The following PDSS2 variants were observed in gnomAD, a reference collection of about 807,000 sequenced individuals.
PDSS2 encodes the protein all trans-polyprenyl-diphosphate synthase PDSS2.
A neutral mutation model predicts 44.5 loss-of-function variants in PDSS2; 31 were observed. The observed-to-expected ratio is 0.70, with a 90% CI of 0.52 to 0.94. PDSS2 has a LOEUF of 0.94. PDSS2 is among the 40% of genes least tolerant of loss of function. The pLI is 0.00. For missense variants in PDSS2, 452 were observed against 482.2 expected, an observed-to-expected ratio of 0.94 and a Z score of 0.59; for synonymous variants, 157 against 180.3, an observed-to-expected ratio of 0.87 and a Z score of 1.03.
intron 1 of PDSS2, among the ~76,000 whole-genome samples, chr6:107,453,422 T>C (rs1434882043): frequency 1.3e-5 from 2 of 152,046 alleles, no homozygotes; most frequent in African/African-American, 4.8e-5. Context: ...TTTTTGCCTA[T>C]GATGTTCAAT....
intron 7 of PDSS2, among the ~76,000 whole-genome samples, chr6:107,173,549 G>C (rs1771671802): frequency 8.7e-6 from 1 of 114,316 alleles, no homozygotes; most frequent in African/African-American, 4.0e-5. Context: ...ACTCCAGCCT[G>C]GTGATGGAAT....
At chr6:107,195,826 T>C (rs1031467336) in intron 6 of PDSS2, among the ~76,000 whole-genome samples, 5 of 152,148 alleles carry the variant, frequency 3.3e-5, no homozygotes, top group Non-Finnish European at 7.4e-5. Context: ...TCCCAAAGTG[T>C]TGGGATTACA....
chr6:107,285,801 T>C (rs1029647082), intron 2 of PDSS2, among the ~76,000 whole-genome samples: 4 of 152,110 alleles, frequency 2.6e-5, no homozygotes, highest in Non-Finnish European at 5.9e-5. Context: ...TGGGGTGAGA[T>C]AGTTTTGCAA....
intron 6 of PDSS2, among the ~76,000 whole-genome samples, chr6:107,203,906 G>A (rs767487602): frequency 1.3e-5 from 2 of 151,676 alleles, no homozygotes; most frequent in Non-Finnish European, 2.9e-5. Context: ...GGAATCATAT[G>A]ATATGTGGCC....
At chr6:107,343,186 A>C (rs1778133277) in intron 1 of PDSS2, among the ~76,000 whole-genome samples, 1 of 152,224 alleles carries the variant, frequency 6.6e-6, no homozygotes, top group Non-Finnish European at 1.5e-5. Flanking sequence ...CAAAAGATGG[A>C]TGTCAAATTC....
intron 1 of PDSS2, among the ~76,000 whole-genome samples, chr6:107,424,950 T>C (rs1583067433): frequency 2.0e-5 from 3 of 152,290 alleles, no homozygotes; most frequent in South Asian, 2.1e-4. Context: ...TGGGAGGTGA[T>C]TGAATCATGG....
intron 1 of PDSS2, among the ~76,000 whole-genome samples, chr6:107,455,166 G>T (rs1237495990): frequency 6.7e-6 from 1 of 150,290 alleles, no homozygotes; most frequent in African/African-American, 2.5e-5. Context: ...TACAAGGCAG[G>T]TTAGGCAACA....
intron 2 of PDSS2, among the ~76,000 whole-genome samples, chr6:107,328,442 TTC>T (rs1296131103): frequency 2.0e-5 from 3 of 152,142 alleles, no homozygotes; most frequent in Non-Finnish European, 4.4e-5. Context: ...TTCTTTTCTT[TTC>T]TTTTTTATTT....
intron 1 of PDSS2, among the ~76,000 whole-genome samples, chr6:107,402,988 C>T (rs769009580): frequency 6.6e-6 from 1 of 152,052 alleles, no homozygotes; most frequent in Non-Finnish European, 1.5e-5. Context: ...CATGCCTTTC[C>T]AACAGTCCCC....
chr6:107,322,396 G>T (rs1298434009), intron 2 of PDSS2, among the ~76,000 whole-genome samples: 1 of 152,174 alleles, frequency 6.6e-6, no homozygotes, highest in Non-Finnish European at 1.5e-5. Context: ...GCGCACACCT[G>T]TAATCCCAGT....
chr6:107,215,340 CAT>C (rs1351673584), intron 4 of PDSS2, among the ~76,000 whole-genome samples: 4 of 151,970 alleles, frequency 2.6e-5, no homozygotes, highest in Non-Finnish European at 5.9e-5. Context: ...TGCAGTGGGC[CAT>C]AATCATGCCA....
intron 2 of PDSS2, among the ~76,000 whole-genome samples, chr6:107,288,006 A>C (rs1776212662): frequency 6.6e-6 from 1 of 152,074 alleles, no homozygotes; most frequent in African/African-American, 2.4e-5. Flanking sequence ...TAAAGAACAA[A>C]AAAACAGTGA....
intron 4 of PDSS2, among the ~76,000 whole-genome samples, chr6:107,239,395 AATT>A (rs557244043): frequency 2.3e-3 from 347 of 152,348 alleles, no homozygotes; most frequent in Non-Finnish European, 4.3e-3. Context: ...CAATCATTAA[AATT>A]ATATTTTTGA....
At chr6:107,405,129 T>G (rs1240692457) in intron 1 of PDSS2, among the ~76,000 whole-genome samples, 4 of 151,040 alleles carry the variant, frequency 2.6e-5, no homozygotes, top group African/African-American at 9.7e-5. Flanking sequence ...GATTCTAATT[T>G]TAAAATGCTT....
chr6:107,382,282 C>G (rs996965910), intron 1 of PDSS2, among the ~76,000 whole-genome samples: 6 of 151,954 alleles, frequency 3.9e-5, no homozygotes, highest in African/African-American at 1.5e-4. Flanking sequence ...CGTGAACCAC[C>G]ACCACCACCA....
chr6:107,254,951 C>A (rs1401931422), intron 3 of PDSS2, among the ~76,000 whole-genome samples: 1 of 151,326 alleles, frequency 6.6e-6, no homozygotes, highest in Non-Finnish European at 1.5e-5. Context: ...CCAACTGCCA[C>A]CTCCCAGGTT....
chr6:107,391,780 T>C (rs1480542195), intron 1 of PDSS2, among the ~76,000 whole-genome samples: 1 of 152,096 alleles, frequency 6.6e-6, no homozygotes, highest in Non-Finnish European at 1.5e-5. Flanking sequence ...ATTAAATAAA[T>C]ATTTACTTTA....
intron 4 of PDSS2, among the ~76,000 whole-genome samples, chr6:107,227,644 G>C (rs964231358): frequency 2.6e-5 from 4 of 152,136 alleles, no homozygotes; most frequent in Admixed American, 2.6e-4. Flanking sequence ...CTCCCTCCCA[G>C]TTATGCTTCT....
chr6:107,314,198 C>A (rs1777133303), intron 2 of PDSS2, among the ~76,000 whole-genome samples: 1 of 151,900 alleles, frequency 6.6e-6, no homozygotes, highest in South Asian at 2.1e-4. Flanking sequence ...ATTGTCAATT[C>A]TTTGCCAATG....
Sources: gnomAD v4.1 joint callset for allele counts (sites outside exome capture counted in the v4.1 genomes callset) on GRCh38, gnomAD v4.1.1 for gene constraint, MANE v1.5 for transcripts, NCBI Gene and HGNC (gene_info 2026-07-23, HGNC 2026-07-21) for gene names.